Variants in FLRT2 observed in about 807,000 individuals in gnomAD.
FLRT2 encodes leucine-rich repeat transmembrane protein FLRT2.
A neutral mutation model predicts 40.0 loss-of-function variants in FLRT2; 15 were observed. That is an observed-to-expected ratio of 0.38 (90% CI 0.25 to 0.58). The LOEUF is 0.58. Among genes scored for constraint, FLRT2 ranks in the 20% least tolerant of loss-of-function variants. The pLI, the probability that FLRT2 is intolerant of heterozygous loss-of-function variation, is 0.71. For missense variants in FLRT2, 726 were observed against 840.0 expected (o/e 0.86, Z 1.68); for synonymous variants, 380 against 336.8 (o/e 1.13, Z -1.41).
At chr14:85,535,892 G>GTTTTGTTTTTTT (rs1566713949) in intron 1 of FLRT2, among the ~76,000 whole-genome samples, 2 of 57,906 alleles carry the variant, frequency 3.5e-5, no homozygotes, top group African/African-American at 5.7e-5. Flanking sequence ...AAGGAATGCT[G>GTTTTGTTTTTTT]TTTTTTTTTT....
rs542041815 is a variant in FLRT2, at chr14:85,653,011, A to C, written c.*29514A>C. 1 of 152,286 alleles carries C rather than the reference A, an allele frequency of 6.6e-6. No homozygotes were observed. The highest frequency in any genetic ancestry group is 2.1e-4 in the South Asian group (1 of 4,828). 9.4% of individuals were successfully genotyped at this position (152,286 alleles called of 1,614,324 possible). On this transcript the variant is annotated 3_prime_UTR_variant, in exon 2 of 2. Coordinates refer to ENST00000330753, the MANE Select transcript of FLRT2 (RefSeq NM_013231.6). ...TAACCACATGAGAACAAATAAGGGA[A>C]TATTAAGGTTTTAACTCAAGGCAGC...
chr14:85,602,109 T>C (rs1892401545), intron 1 of FLRT2, among the ~76,000 whole-genome samples: 2 of 152,218 alleles, frequency 1.3e-5, no homozygotes, highest in Non-Finnish European at 2.9e-5. Flanking sequence ...AGTGTCTGCT[T>C]AGATATATAG....
Position 85,648,484 on chromosome 14 carries a change from A to T in FLRT2, c.*24987A>T, listed in dbSNP as rs1894360649. On this transcript the variant is annotated 3_prime_UTR_variant, in exon 2 of 2. Coordinates refer to ENST00000330753, the MANE Select transcript of FLRT2 (RefSeq NM_013231.6). The stretch of plus-strand genomic sequence containing the variant: ...TGATTAGCAAGTTTGCTAAGACATG[A>T]GTGTCAAGGGAAGTTGAGGTGGAGA... 2 of 152,172 alleles carry T rather than the reference A, an allele frequency of 1.3e-5. No homozygotes were observed. The highest frequency in any genetic ancestry group is 4.1e-4 in the South Asian group (2 of 4,824). 9.4% of individuals were successfully genotyped at this position (152,172 alleles called of 1,614,324 possible).
rs1894441810 is a variant in FLRT2 at position 85,651,905 on chromosome 14, A to G, written c.*28408A>G. 6.6e-6 allele frequency: 1 copy of G among 152,100 alleles called. No individual in the cohort carries two copies. The highest frequency in any genetic ancestry group is 1.5e-5 in the Non-Finnish European group (1 of 67,976). The allele number at this position is 152,100 out of a possible 1,614,324, so 9.4% of individuals were successfully genotyped here. ...TTTCCTGAACAATAAAAGGAATTTC[A>G]AACATATTATTGGTCATCATCACCT... On this transcript the variant is annotated 3_prime_UTR_variant, in exon 2 of 2. Coordinates refer to ENST00000330753, the MANE Select transcript of FLRT2 (RefSeq NM_013231.6).
intron 1 of FLRT2, among the ~76,000 whole-genome samples, chr14:85,558,321 C>A (rs2139839307): frequency 6.6e-6 from 1 of 151,738 alleles, no homozygotes; most frequent in Middle Eastern, 3.4e-3. Flanking sequence ...TTTATCTTTG[C>A]ATCAAAAATA....
chr14:85,541,936 A>C (rs1889006596), intron 1 of FLRT2, among the ~76,000 whole-genome samples: 1 of 152,198 alleles, frequency 6.6e-6, no homozygotes, highest in South Asian at 2.1e-4. Flanking sequence ...TCCTTGCCAA[A>C]GTACAAAGAT....
At chr14:85,542,921 C>T (rs1390549453) in intron 1 of FLRT2, among the ~76,000 whole-genome samples, 1 of 152,168 alleles carries the variant, frequency 6.6e-6, no homozygotes, top group East Asian at 1.9e-4. Flanking sequence ...TTTGTCCCTG[C>T]TCACAGAGAA....
rs1319981135 is a variant in FLRT2 at position 85,634,074 on chromosome 14, C to A, written c.*10577C>A. On this transcript the variant is annotated 3_prime_UTR_variant, in exon 2 of 2. Transcript: ENST00000330753. ...CTGGTTGTTATTAACAGGCATGCATCCTCTTCAGCTGGATCACGTTGTTTT... is the reference window on the plus strand; with the variant it reads ...CTGGTTGTTATTAACAGGCATGCATACTCTTCAGCTGGATCACGTTGTTTT... The A allele has an allele frequency of 1.3e-5, 2 of 152,110 alleles. No individual in the cohort carries two copies. The highest frequency in any genetic ancestry group is 4.8e-5 in the African/African-American group (2 of 41,408). The allele number at this position is 152,110 out of a possible 1,614,324, so 9.4% of individuals were successfully genotyped here.
chr14:85,536,458 C>T (rs1221882562), intron 1 of FLRT2, among the ~76,000 whole-genome samples: 1 of 152,068 alleles, frequency 6.6e-6, no homozygotes, highest in Non-Finnish European at 1.5e-5. Flanking sequence ...CAAAAAAGGT[C>T]AAGGTGATGT....
chr14:85,570,626 G>A (rs1235099555), intron 1 of FLRT2, among the ~76,000 whole-genome samples: 1 of 150,596 alleles, frequency 6.6e-6, no homozygotes, highest in Non-Finnish European at 1.5e-5. Flanking sequence ...CTGTCGCCCA[G>A]GCTGGAGTGC....
rs1253440080 is a variant in FLRT2 at position 85,648,563 on chromosome 14, A to G, written c.*25066A>G. ...TGATTCCCAGAGAGCAATCACTCAG[A>G]TGTGCTCTTGTACTTAATACTTCCA... On this transcript the variant is annotated 3_prime_UTR_variant, in exon 2 of 2. Coordinates refer to ENST00000330753, the MANE Select transcript of FLRT2 (RefSeq NM_013231.6). 2 of 152,124 alleles carry G rather than the reference A, an allele frequency of 1.3e-5. No individual in the cohort carries two copies. The highest frequency in any genetic ancestry group is 2.4e-5 in the African/African-American group (1 of 41,450). 9.4% of individuals were successfully genotyped at this position (152,124 alleles called of 1,614,324 possible). A position where few individuals can be genotyped will look rare whatever the true frequency, so the allele number is the denominator to read the frequency against.
At chr14:85,592,960 C>T (rs1164639330) in intron 1 of FLRT2, among the ~76,000 whole-genome samples, 4 of 152,026 alleles carry the variant, frequency 2.6e-5, no homozygotes, top group African/African-American at 9.7e-5. Context: ...ATAATATTTT[C>T]AAATTACATA....
chr14:85,558,075 T>A (rs1890085596), intron 1 of FLRT2, among the ~76,000 whole-genome samples: 1 of 152,160 alleles, frequency 6.6e-6, no homozygotes, highest in Admixed American at 6.5e-5. Context: ...ATCCGTAGAC[T>A]TCCGTAGAAA....
chr14:85,618,088 G>A (rs538910956), intron 1 of FLRT2, among the ~76,000 whole-genome samples: 6 of 152,162 alleles, frequency 3.9e-5, no homozygotes, highest in African/African-American at 9.7e-5. Flanking sequence ...GAAAATTTAC[G>A]ATCTGGATGC....
At chr14:85,594,202 A>G (rs1892031162) in intron 1 of FLRT2, among the ~76,000 whole-genome samples, 1 of 152,228 alleles carries the variant, frequency 6.6e-6, no homozygotes, top group Admixed American at 6.5e-5. Flanking sequence ...AGTTTTGTTT[A>G]GTAATGTTAA....
chr14:85,578,409 A>G (rs144687368), intron 1 of FLRT2, among the ~76,000 whole-genome samples: 4 of 152,094 alleles, frequency 2.6e-5, no homozygotes, highest in African/African-American at 7.2e-5. Flanking sequence ...AAACATTATT[A>G]TCAGAAGAGA....
Position 85,622,322 on chromosome 14 carries a change from A to G in FLRT2, c.808A>G (p.Thr270Ala). 2 of 1,614,088 alleles carry G rather than the reference A, an allele frequency of 1.2e-6. No homozygotes were observed. Among genetic ancestry groups the G allele is most frequent in the Non-Finnish European group, 1.7e-6 (2 of 1,180,006 alleles). ...CAACCAGATAAACCACATTCCTTTG[A>G]CAGCCTTCTCAAATCTGCGTAAGCT... ...QDNQINHIPL[T>A]AFSNLRKLER... The change falls in exon 2 of 2, where the codon ACA becomes GCA. Residue 270 changes from threonine to alanine, a missense_variant. By Grantham distance (58) the Thr-to-Ala change is moderately conservative (BLOSUM62 0). Transcript: ENST00000330753.
chr14:85,575,859 C>T (rs1891108703), intron 1 of FLRT2, among the ~76,000 whole-genome samples: 1 of 152,102 alleles, frequency 6.6e-6, no homozygotes, highest in Non-Finnish European at 1.5e-5. Context: ...GTGATAATGC[C>T]ACTTACTTGG....
In FLRT2 at chr14:85,643,327, CTTTCTTT is replaced by C. The variant is rs1894203591; in HGVS notation, c.*19831_*19837del. On this transcript the variant is annotated 3_prime_UTR_variant, in exon 2 of 2. Coordinates refer to ENST00000330753, the MANE Select transcript of FLRT2 (RefSeq NM_013231.6). ...TCTTTCTTTCTTTCTTTCTTTCTTT[CTTTCTTT>C]CTTTCTTTCTTTCTTTCTTTCTTCC... 2 of 113,466 alleles carry C rather than the reference CTTTCTTT, an allele frequency of 1.8e-5. No homozygotes were observed. Among genetic ancestry groups the C allele is most frequent in the South Asian group, 7.1e-4 (2 of 2,832 alleles). 7.0% of individuals were successfully genotyped at this position (113,466 alleles called of 1,614,324 possible).
Sources: allele counts gnomAD v4.1 joint callset (sites outside exome capture counted in the v4.1 genomes callset), GRCh38; gene constraint gnomAD v4.1.1; transcripts MANE v1.5; gene names NCBI Gene and HGNC (gene_info 2026-07-23, HGNC 2026-07-21).